The following MYOM2 variants were observed in gnomAD, a reference collection of about 807,000 sequenced individuals.
MYOM2 encodes myomesin-2.
Under a neutral mutation model 187.6 loss-of-function variants are expected in MYOM2, and 254 were observed. The ratio of observed to expected loss-of-function variants is 1.35; its 90% CI spans 1.22 to 1.50. The LOEUF (loss-of-function observed/expected upper bound fraction) is 1.50, where lower values mean the gene tolerates loss of function less well. Ranked by LOEUF, MYOM2 falls within the 40% of genes most tolerant of loss-of-function variation. The pLI, the probability that MYOM2 is intolerant of heterozygous loss-of-function variation, is 0.00. For missense variants in MYOM2, 2,796 were observed against 1,924.0 expected, an observed-to-expected ratio of 1.45 and a Z score of -8.48; for synonymous variants, 981 against 753.8, an observed-to-expected ratio of 1.30 and a Z score of -4.94.
In MYOM2 at chr8:2,142,382, G is replaced by T; in HGVS notation, c.4009G>T (p.Ala1337Ser). The T allele has an allele frequency of 6.2e-7, 1 of 1,613,918 alleles. No homozygotes were observed. Among genetic ancestry groups the T allele is most frequent in the South Asian group, 1.1e-5 (1 of 91,082 alleles). The stretch of plus-strand genomic sequence containing the variant: ...GTCCCCTTTAACTTTTAGAGCTGCT[G>T]CTTTTGCAGAGAAGAGTAAGTACCT... Reference protein sequence around the residue: ...FAEFQQFKAAAFAEKNRGRLI... With the variant: ...FAEFQQFKAASFAEKNRGRLI... Residue 1337 changes from alanine to serine, a missense_variant, in exon 35 of 37, where the codon GCT becomes TCT. Transcript: ENST00000262113.
In MYOM2 at chr8:2,144,683, C is replaced by G; in HGVS notation, c.4100C>G (p.Thr1367Arg). ...MEGKTLNLTCTVFGNPDPEVI... is the reference protein window; with the variant it reads ...MEGKTLNLTCRVFGNPDPEVI... ...CCAAAGACCTTGAATCTGACCTGCA[C>G]GGTGTTTGGAAACCCTGACCCCGAA... is the stretch of plus-strand genomic sequence containing the variant. The change falls in exon 37 of 37, where the codon ACG becomes AGG. Residue 1367 changes from threonine to arginine, a missense_variant. Coordinates refer to ENST00000262113, the MANE Select transcript of MYOM2 (RefSeq NM_003970.4). 1 of 1,614,004 alleles carries G rather than the reference C, an allele frequency of 6.2e-7. No homozygotes were observed. Among genetic ancestry groups the G allele is most frequent in the South Asian group, 1.1e-5 (1 of 91,080 alleles).
intron 2 of MYOM2, among the ~76,000 whole-genome samples, chr8:2,051,668 G>T (rs1169426854): frequency 2.0e-5 from 3 of 152,190 alleles, no homozygotes; most frequent in Non-Finnish European, 4.4e-5. Context: ...TATAATCCTG[G>T]CGTGGAGCCA....
At position 2,123,537 on chromosome 8, in the gene MYOM2, A is replaced by G. The variant is rs1231976184; in HGVS notation, c.3568-18A>G. 2 of 1,604,784 alleles carry G rather than the reference A, an allele frequency of 1.2e-6. No homozygotes were observed. The highest frequency in any genetic ancestry group is 1.7e-6 in the Non-Finnish European group (2 of 1,171,894). The stretch of plus-strand genomic sequence containing the variant: ...CAGTATTGACTTTACATAAATATGG[A>G]ATGTGTTTTCTTTGTAGTTGTCAAA... On this transcript the variant is annotated intron_variant, in intron 29 of 36. Coordinates refer to ENST00000262113, the MANE Select transcript of MYOM2 (RefSeq NM_003970.4).
At chr8:2,065,545 G>A (rs1048979718) in intron 6 of MYOM2, among the ~76,000 whole-genome samples, 2 of 152,130 alleles carry the variant, frequency 1.3e-5, no homozygotes, top group Middle Eastern at 3.2e-3. Flanking sequence ...ACTTCAGCCC[G>A]GGTGACAGTG....
At chr8:2,086,826 C>T (rs934421672) in intron 14 of MYOM2, among the ~76,000 whole-genome samples, 19 of 152,206 alleles carry the variant, frequency 1.2e-4, no homozygotes, top group African/African-American at 4.6e-4. Flanking sequence ...ATTCCAGATT[C>T]CTCGATGGCC....
At chr8:2,088,184 T>A (rs960939183) in intron 14 of MYOM2, among the ~76,000 whole-genome samples, 1 of 152,078 alleles carries the variant, frequency 6.6e-6, no homozygotes, top group Non-Finnish European at 1.5e-5. Context: ...ATATTTGTTG[T>A]CTTTTATCCC....
intron 18 of MYOM2, among the ~76,000 whole-genome samples, chr8:2,097,414 G>A (rs1181221377): frequency 2.0e-5 from 3 of 152,190 alleles, no homozygotes; most frequent in South Asian, 2.1e-4. Context: ...TTTAATATAT[G>A]TTTGCATTAT....
chr8:2,119,405 T>C (rs1203819180), intron 28 of MYOM2: 2 of 152,476 alleles, frequency 1.3e-5, no homozygotes, highest in Non-Finnish European at 2.9e-5. Flanking sequence ...AGTGACTTGG[T>C]GGCCTCTGGC....
chr8:2,120,889 T>C (rs1322373670), intron 28 of MYOM2, among the ~76,000 whole-genome samples: 1 of 150,926 alleles, frequency 6.6e-6, no homozygotes, highest in Non-Finnish European at 1.5e-5. Flanking sequence ...GGTAAATTTA[T>C]TATAGAAAAA....
At chr8:2,100,548 G>A in intron 19 of MYOM2, 2 of 294,736 alleles carry the variant, frequency 6.8e-6, no homozygotes, top group Non-Finnish European at 1.3e-5. Flanking sequence ...CCAGCCCCGT[G>A]GAGGGTAACT....
chr8:2,073,355 GT>G lies in MYOM2; in HGVS notation c.976del (p.Ser326ProfsTer76). ...CTCTTTCAGACGTGCTGTTGAAAGA[GT>G]CCAAGTGGACGAAGATGTTCTTTGG... Reference protein sequence around the residue: ...WYRDDVLLKESKWTKMFFGEG... With the variant: ...WYRDDVLLKEXKWTKMFFGEG... On this transcript the variant is annotated frameshift_variant, in exon 10 of 37. Transcript: ENST00000262113. LOFTEE classifies it high-confidence loss of function. The G allele has an allele frequency of 6.2e-7, 1 of 1,611,384 alleles. No individual in the cohort carries two copies. Among genetic ancestry groups the G allele is most frequent in the African/African-American group, 1.3e-5 (1 of 74,946 alleles).
At chr8:2,140,308 C>A (rs1341505425) in intron 32 of MYOM2, among the ~76,000 whole-genome samples, 1 of 149,030 alleles carries the variant, frequency 6.7e-6, no homozygotes, top group East Asian at 2.0e-4. Context: ...GCCTCCCCAC[C>A]GGGGCGGTCG....
At chr8:2,135,889 G>C (rs1798051853) in intron 32 of MYOM2, among the ~76,000 whole-genome samples, 1 of 152,230 alleles carries the variant, frequency 6.6e-6, no homozygotes, top group Non-Finnish European at 1.5e-5. Context: ...CCTCTTATAA[G>C]TTGCTCATTC....
At chr8:2,133,156 G>C (rs987160152) in intron 32 of MYOM2, among the ~76,000 whole-genome samples, 1 of 116,864 alleles carries the variant, frequency 8.6e-6, no homozygotes, top group African/African-American at 4.7e-5. Context: ...TTAGACAGCA[G>C]TAGCAAAAGG....
rs145721443 is a variant in MYOM2 at position 2,101,006 on chromosome 8, A to C, written c.2571A>C (p.Gly857=). 1.9e-6 allele frequency: 3 copies of C among 1,614,172 alleles called. No individual in the cohort carries two copies. In the African/African-American group the frequency reaches 4.0e-5, roughly 22 times the overall value. ...YFVDFREEDA[G]EWITVNQTTT... is the part of the protein sequence containing the mutation. ...TGGACTTCAGGGAGGAGGATGCTGG[A>C]GAGTGGATCACTGTCAATCAGACGA... Residue 857 remains glycine (G), a synonymous_variant, in exon 20 of 37, where the codon GGA becomes GGC. Transcript: ENST00000262113.
In MYOM2 at chr8:2,100,923, G is replaced by T; in HGVS notation, c.2488G>T (p.Val830Phe). 6.2e-7 allele frequency: 1 copy of T among 1,614,192 alleles called. No homozygotes were observed. Among genetic ancestry groups the T allele is most frequent in the Non-Finnish European group, 8.5e-7 (1 of 1,180,034 alleles). Reference protein sequence around the residue: ...TFCEVRDTSLVMLWKAPVYSG... With the variant: ...TFCEVRDTSLFMLWKAPVYSG... ...CTGTGAGGTCAGGGACACGTCCTTG[G>T]TCATGCTGTGGAAGGCCCCTGTGTA... The change falls in exon 20 of 37, where the codon GTC (valine) becomes TTC (phenylalanine). Residue 830 changes from valine (V) to phenylalanine (F), a missense_variant. Coordinates refer to ENST00000262113, the MANE Select transcript of MYOM2 (RefSeq NM_003970.4).
chr8:2,082,578 C>G (rs1339905690), intron 13 of MYOM2, among the ~76,000 whole-genome samples: 1 of 152,208 alleles, frequency 6.6e-6, no homozygotes, highest in Non-Finnish European at 1.5e-5. Flanking sequence ...ATTTGAATGG[C>G]TATCCATGCG....
intron 20 of MYOM2, 82 bp from the exon 21 acceptor site, chr8:2,102,585 C>A: frequency 1.1e-6 from 1 of 884,410 alleles, no homozygotes; most frequent in South Asian, 1.6e-5. Context: ...TGAAAAGGCC[C>A]TATTCACAAT....
chr8:2,065,361 G>A (rs930054709), intron 6 of MYOM2, among the ~76,000 whole-genome samples: 3 of 152,148 alleles, frequency 2.0e-5, no homozygotes, highest in Admixed American at 6.5e-5. Flanking sequence ...ACGAGGTCAG[G>A]AGTTTGAGAC....
Sources: allele counts gnomAD v4.1 joint callset (sites outside exome capture counted in the v4.1 genomes callset), GRCh38; gene constraint gnomAD v4.1.1; transcripts MANE v1.5; gene names NCBI Gene and HGNC (gene_info 2026-07-23, HGNC 2026-07-21).